Variants in TSPAN13 observed in about 807,000 individuals in gnomAD.
TSPAN13 encodes the protein tetraspanin-13.
In TSPAN13, 18 loss-of-function variants were observed where a neutral mutation model predicts 26.9. The observed-to-expected ratio is 0.67, with a 90% CI of 0.46 to 0.99. The LOEUF is 0.99. Ranked by LOEUF, TSPAN13 falls within the 50% of genes least tolerant of loss-of-function variation. The pLI, the probability that TSPAN13 is intolerant of heterozygous loss-of-function variation, is 0.00. For missense variants in TSPAN13, 201 were observed against 249.6 expected (o/e 0.81, Z 1.31); for synonymous variants, 116 against 98.4 (o/e 1.18, Z -1.06).
At chr7:16,767,000 A>G (rs1784611107) in intron 1 of TSPAN13, among the ~76,000 whole-genome samples, 1 of 152,000 alleles carries the variant, frequency 6.6e-6, no homozygotes, top group Non-Finnish European at 1.5e-5. Flanking sequence ...GGCTATTCCC[A>G]AGTGCAGTCA....
At chr7:16,756,304 G>GGGT (rs749852660) in intron 1 of TSPAN13, among the ~76,000 whole-genome samples, 5 of 152,172 alleles carry the variant, frequency 3.3e-5, no homozygotes, top group Non-Finnish European at 7.3e-5. Context: ...TTCTTTGTAG[G>GGGT]TTCTAATCCC....
At chr7:16,781,863 A>AT (rs370617200) in intron 5 of TSPAN13, among the ~76,000 whole-genome samples, 29 of 152,244 alleles carry the variant, frequency 1.9e-4, no homozygotes, top group African/African-American at 6.5e-4. Flanking sequence ...TTAACTACAG[A>AT]TATGTAAGTA....
At chr7:16,770,831 TCCTGCATG>T (rs1463971636) in intron 1 of TSPAN13, among the ~76,000 whole-genome samples, 1 of 152,256 alleles carries the variant, frequency 6.6e-6, no homozygotes, top group Non-Finnish European at 1.5e-5. Context: ...TCTTGAGGAT[TCCTGCATG>T]CCTGAGGCAG....
At chr7:16,770,022 C>G (rs958952671) in intron 1 of TSPAN13, among the ~76,000 whole-genome samples, 5 of 152,022 alleles carry the variant, frequency 3.3e-5, no homozygotes, top group Admixed American at 3.3e-4. Flanking sequence ...TTACTTTTCT[C>G]TCCTTTAATG....
At chr7:16,766,832 C>T (rs1287696682) in intron 1 of TSPAN13, among the ~76,000 whole-genome samples, 1 of 152,180 alleles carries the variant, frequency 6.6e-6, no homozygotes, top group South Asian at 2.1e-4. Context: ...TTACATTTTT[C>T]AAGGCTAGTT....
intron 5 of TSPAN13, among the ~76,000 whole-genome samples, chr7:16,781,379 T>A (rs182688149): frequency 6.6e-6 from 1 of 152,376 alleles, no homozygotes; most frequent in East Asian, 1.9e-4. Context: ...GGTGACCTAC[T>A]GCACACTGAG....
chr7:16,779,881 C>T (rs147565428), intron 5 of TSPAN13, among the ~76,000 whole-genome samples: 11,838 of 151,410 alleles, frequency 0.078, 1,022 homozygotes, highest in African/African-American at 0.22. Context: ...ACGCTATTCT[C>T]CTGTCTCAGC....
intron 1 of TSPAN13, among the ~76,000 whole-genome samples, chr7:16,775,396 G>T (rs1294230560): frequency 6.6e-6 from 1 of 152,194 alleles, no homozygotes; most frequent in Non-Finnish European, 1.5e-5. Flanking sequence ...GCATATCAAA[G>T]AATTTCTTTT....
At chr7:16,763,176 G>A (rs907170926) in intron 1 of TSPAN13, among the ~76,000 whole-genome samples, 1 of 152,150 alleles carries the variant, frequency 6.6e-6, no homozygotes, top group African/African-American at 2.4e-5. Flanking sequence ...TTCTTTTGAC[G>A]GCAGGGTAAG....
chr7:16,766,382 C>A (rs997627731), intron 1 of TSPAN13, among the ~76,000 whole-genome samples: 3 of 152,138 alleles, frequency 2.0e-5, no homozygotes, highest in African/African-American at 7.2e-5. Context: ...ATGGCCCTTA[C>A]AAATGAGAAT....
Position 16,783,687 on chromosome 7 carries a change from T to C in TSPAN13, c.*196T>C. ...CCGTTGCTGAAAAATATTTGAAACTTGTGGTCTCTGAAGCTCGGTGGCACC... is the reference window on the plus strand; with the variant it reads ...CCGTTGCTGAAAAATATTTGAAACTCGTGGTCTCTGAAGCTCGGTGGCACC... On this transcript the variant is annotated 3_prime_UTR_variant, in exon 6 of 6. Transcript: ENST00000262067. 1 of 597,054 alleles carries C rather than the reference T, an allele frequency of 1.7e-6. No individual in the cohort carries two copies. The allele number at this position is 597,054 out of a possible 1,614,324, so 37.0% of individuals were successfully genotyped here. A position where few individuals can be genotyped will look rare whatever the true frequency, so the allele number is the denominator to read the frequency against.
At chr7:16,782,461 T>G (rs1190510146) in intron 5 of TSPAN13, among the ~76,000 whole-genome samples, 3 of 152,174 alleles carry the variant, frequency 2.0e-5, no homozygotes, top group Non-Finnish European at 4.4e-5. Flanking sequence ...TAAAACTCAT[T>G]TTATTCTATT....
intron 5 of TSPAN13, among the ~76,000 whole-genome samples, chr7:16,779,381 C>CT (rs1784789838): frequency 6.6e-6 from 1 of 151,982 alleles, no homozygotes; most frequent in Non-Finnish European, 1.5e-5. Flanking sequence ...TCTAGGGTCT[C>CT]TTCTATTTCT....
At chr7:16,776,513 AT>A in intron 2 of TSPAN13, 135 bp downstream of exon 2, 1 of 802,826 alleles carries the variant, frequency 1.2e-6, no homozygotes, top group Non-Finnish European at 1.9e-6. Flanking sequence ...TTCAAGAACT[AT>A]TAGAAACATT....
intron 1 of TSPAN13, among the ~76,000 whole-genome samples, chr7:16,760,358 T>C (rs960741228): frequency 6.6e-6 from 1 of 152,044 alleles, no homozygotes; most frequent in African/African-American, 2.4e-5. Context: ...TGAGAGTGTT[T>C]TGGAGGTAGG....
At chr7:16,760,920 G>T (rs919046424) in intron 1 of TSPAN13, among the ~76,000 whole-genome samples, 1 of 152,178 alleles carries the variant, frequency 6.6e-6, no homozygotes, top group African/African-American at 2.4e-5. Flanking sequence ...GCTTTCCTGT[G>T]TGCCCGGCAC....
At chr7:16,765,210 C>T (rs1369807100) in intron 1 of TSPAN13, among the ~76,000 whole-genome samples, 1 of 152,142 alleles carries the variant, frequency 6.6e-6, no homozygotes, top group Non-Finnish European at 1.5e-5. Context: ...TGAAGCTATC[C>T]TGAGTCAGTC....
At chr7:16,771,645 G>A (rs1023540224) in intron 1 of TSPAN13, among the ~76,000 whole-genome samples, 3 of 152,176 alleles carry the variant, frequency 2.0e-5, no homozygotes, top group African/African-American at 7.2e-5. Context: ...GAAACTAGAC[G>A]AAGCAAGGAA....
At chr7:16,779,570 C>A (rs1476559130) in intron 5 of TSPAN13, among the ~76,000 whole-genome samples, 1 of 151,674 alleles carries the variant, frequency 6.6e-6, no homozygotes, top group Non-Finnish European at 1.5e-5. Flanking sequence ...TCCCCTGTTC[C>A]TAGCCTTCTA....
Sources: allele counts gnomAD v4.1 joint callset (sites outside exome capture counted in the v4.1 genomes callset), GRCh38; gene constraint gnomAD v4.1.1; transcripts MANE v1.5; gene names NCBI Gene and HGNC (gene_info 2026-07-23, HGNC 2026-07-21).